The following DSCAM variants were observed in gnomAD, a reference collection of about 807,000 sequenced individuals.
DSCAM encodes the protein cell adhesion molecule DSCAM.
DSCAM carries 47 observed loss-of-function variants against 217.7 expected under a neutral mutation model. That is an observed-to-expected ratio of 0.22 (90% confidence interval 0.17 to 0.28). The LOEUF (loss-of-function observed/expected upper bound fraction) is 0.28. Ranked by LOEUF, DSCAM falls within the 10% of genes least tolerant of loss-of-function variation. The pLI, the probability that DSCAM is intolerant of heterozygous loss-of-function variation, is 1.00. For synonymous variants in DSCAM, 1,056 were observed against 1,015.3 expected (o/e 1.04, Z -0.76); for missense variants, 2,080 against 2,618.3 (o/e 0.79, Z 4.49).
chr21:40,210,981 C>T (rs1434467836), intron 11 of DSCAM, among the ~76,000 whole-genome samples: 1 of 152,228 alleles, frequency 6.6e-6, no homozygotes, highest in African/African-American at 2.4e-5. Flanking sequence ...CTATTCCACA[C>T]CACAGAAGAA....
intron 31 of DSCAM, among the ~76,000 whole-genome samples, 167 bp from the exon 32 acceptor site, chr21:40,042,840 C>T (rs1310745666): frequency 1.3e-5 from 2 of 152,238 alleles, no homozygotes; most frequent in African/African-American, 4.8e-5. Context: ...CTGAGGCCAG[C>T]TTCACAAGTC....
chr21:40,204,555 T>G (rs904151155), intron 11 of DSCAM, among the ~76,000 whole-genome samples: 7 of 152,164 alleles, frequency 4.6e-5, no homozygotes, highest in African/African-American at 1.7e-4. Context: ...TTGGCCTATT[T>G]TATAGGTTTG....
At chr21:40,816,059 C>T (rs1267589402) in intron 1 of DSCAM, among the ~76,000 whole-genome samples, 1 of 152,216 alleles carries the variant, frequency 6.6e-6, no homozygotes, top group Non-Finnish European at 1.5e-5. Flanking sequence ...TGCTTCCAAT[C>T]TATTATCCCT....
At chr21:40,473,885 G>A (rs924182359) in intron 3 of DSCAM, among the ~76,000 whole-genome samples, 7 of 152,156 alleles carry the variant, frequency 4.6e-5, no homozygotes, top group African/African-American at 7.2e-5. Flanking sequence ...TGATAGCTTC[G>A]TCTTGGACTT....
chr21:40,195,002 A>G (rs2090992178), intron 11 of DSCAM, among the ~76,000 whole-genome samples: 1 of 152,240 alleles, frequency 6.6e-6, no homozygotes, highest in Admixed American at 6.5e-5. Flanking sequence ...GGGTGTTCCC[A>G]TCGTACAAGA....
chr21:40,325,840 A>G (rs1183512673), intron 8 of DSCAM, among the ~76,000 whole-genome samples: 1 of 152,182 alleles, frequency 6.6e-6, no homozygotes, highest in East Asian at 1.9e-4. Flanking sequence ...GGAATTTTGG[A>G]GAGTGGCTAT....
chr21:40,386,699 G>A (rs556578628), intron 3 of DSCAM, among the ~76,000 whole-genome samples: 4 of 152,336 alleles, frequency 2.6e-5, no homozygotes, highest in African/African-American at 9.6e-5. Flanking sequence ...CACTTCTTGG[G>A]TTTTGATAGA....
intron 3 of DSCAM, among the ~76,000 whole-genome samples, chr21:40,589,459 C>T (rs2076969048): frequency 6.6e-6 from 1 of 151,974 alleles, no homozygotes; most frequent in East Asian, 1.9e-4. Flanking sequence ...GCCTGTAATC[C>T]CAGCTACTTG....
intron 27 of DSCAM, among the ~76,000 whole-genome samples, chr21:40,072,196 TA>T (rs1201021232): frequency 1.3e-5 from 2 of 152,102 alleles, no homozygotes; most frequent in Admixed American, 1.3e-4. Context: ...ACCACTAGTT[TA>T]AAAAAAGGTT....
At chr21:40,032,678 T>G (rs1022649951) in intron 32 of DSCAM, among the ~76,000 whole-genome samples, 5 of 152,160 alleles carry the variant, frequency 3.3e-5, no homozygotes, top group Non-Finnish European at 5.9e-5. Flanking sequence ...GTGGACTCTA[T>G]GCTCCCCTTT....
chr21:40,159,852 G>A (rs549163768), intron 16 of DSCAM, among the ~76,000 whole-genome samples: 1 of 152,156 alleles, frequency 6.6e-6, no homozygotes, highest in Non-Finnish European at 1.5e-5. Flanking sequence ...CAAAATGCTG[G>A]GATTACAGGC....
chr21:40,795,649 C>T (rs1012422665), intron 1 of DSCAM, among the ~76,000 whole-genome samples: 5 of 152,278 alleles, frequency 3.3e-5, no homozygotes, highest in South Asian at 2.1e-4. Context: ...GTAGAACAAA[C>T]GACCCAAGAA....
intron 11 of DSCAM, among the ~76,000 whole-genome samples, chr21:40,265,483 TAA>T (rs200672500): frequency 1.9e-4 from 27 of 141,208 alleles, no homozygotes; most frequent in African/African-American, 6.5e-4. Flanking sequence ...TTTCACAAAA[TAA>T]AAAAAAAAAC....
chr21:40,053,384 T>C (rs1398167117), intron 29 of DSCAM, among the ~76,000 whole-genome samples: 3 of 152,174 alleles, frequency 2.0e-5, no homozygotes, highest in Non-Finnish European at 4.4e-5. Flanking sequence ...CAGAGACAGC[T>C]TCCTACAACT....
At chr21:40,452,894 C>G (rs1455343513) in intron 3 of DSCAM, among the ~76,000 whole-genome samples, 1 of 152,030 alleles carries the variant, frequency 6.6e-6, no homozygotes. Context: ...GTAGTTTATG[C>G]TTCAGTTGTT....
At position 40,489,644 on chromosome 21, in the gene DSCAM, A is replaced by G. The variant is rs548116216; in HGVS notation, c.509-120399T>C. On this transcript the variant is annotated intron_variant, in intron 3 of 32. Transcript: ENST00000400454. Reference sequence around the variant, plus strand: ...AAAAAAATTAGCCGGGCGTAGTGGCAGGCGCCTGTAGTCCCAGCTACTCGG... The same window carrying G: ...AAAAAAATTAGCCGGGCGTAGTGGCGGGCGCCTGTAGTCCCAGCTACTCGG... Among the ~76,000 whole-genome samples, 1,121 of 151,414 alleles carry G rather than the reference A, an allele frequency of 7.4e-3. 14 individuals are homozygous for G. The highest frequency in any genetic ancestry group is 0.025 in the African/African-American group (1,047 of 41,352).
intron 3 of DSCAM, among the ~76,000 whole-genome samples, chr21:40,585,194 T>A (rs1011459599): frequency 3.4e-5 from 5 of 148,988 alleles, no homozygotes; most frequent in Non-Finnish European, 5.9e-5. Context: ...TTTTTTTTTT[T>A]ACAACTTACC....
intron 3 of DSCAM, among the ~76,000 whole-genome samples, chr21:40,443,134 G>A (rs975853750): frequency 1.3e-5 from 2 of 152,210 alleles, no homozygotes; most frequent in African/African-American, 2.4e-5. Flanking sequence ...GTGACAGGAA[G>A]GCTATGTGGA....
chr21:40,179,183 CCAAA>C (rs2090769939), intron 14 of DSCAM, 89 bp from the exon 15 acceptor site: 13 of 86,292 alleles, frequency 1.5e-4, no homozygotes, highest in South Asian at 9.3e-4. Context: ...GAATTAAAAA[CCAAA>C]AAAAAAAAAA....
Sources: gnomAD v4.1 joint callset for allele counts (sites outside exome capture counted in the v4.1 genomes callset) on GRCh38, gnomAD v4.1.1 for gene constraint, MANE v1.5 for transcripts, NCBI Gene and HGNC (gene_info 2026-07-23, HGNC 2026-07-21) for gene names.